MALRD1: variants seen among roughly 807,000 people sequenced by gnomAD.
The protein encoded by MALRD1 is MAM and LDL receptor class A domain containing 1.
In MALRD1, 247 loss-of-function variants were observed where a neutral mutation model predicts 242.1. The observed-to-expected ratio is 1.02, with a 90% CI of 0.92 to 1.13. The LOEUF is 1.13. Among genes scored for constraint, MALRD1 ranks in the 50% most tolerant of loss-of-function variants. MALRD1 has a pLI of 0.00. For missense variants in MALRD1, 2,989 were observed against 2,533.1 expected, an observed-to-expected ratio of 1.18 and a Z score of -3.86; for synonymous variants, 995 against 866.6, an observed-to-expected ratio of 1.15 and a Z score of -2.60.
At chr10:19,080,997 A>G (rs900326030) in intron 2 of MALRD1, among the ~76,000 whole-genome samples, 1 of 152,172 alleles carries the variant, frequency 6.6e-6, no homozygotes, top group African/African-American at 2.4e-5. Flanking sequence ...CGTGTGGCCC[A>G]CAAACATATG....
chr10:19,320,041 C>CTTTTTTTTTTTTTTTTTTTTTTATTTTTT (rs34481531), intron 21 of MALRD1, among the ~76,000 whole-genome samples: 1 of 73,070 alleles, frequency 1.4e-5, no homozygotes, highest in Non-Finnish European at 2.4e-5. Context: ...TATAAAACTG[C>CTTTTTTTTTTTTTTTTTTTTTTATTTTTT]TTTTTTTTTT....
At chr10:19,331,616 C>G (rs1843376310) in intron 24 of MALRD1, 34 bp downstream of exon 24, 1 of 1,502,660 alleles carries the variant, frequency 6.7e-7, no homozygotes, top group African/African-American at 1.4e-5. Context: ...TTACTTTTGC[C>G]TTCAACTCCC....
chr10:19,253,826 T>G (rs1839395110), intron 18 of MALRD1, among the ~76,000 whole-genome samples: 1 of 151,986 alleles, frequency 6.6e-6, no homozygotes, highest in African/African-American at 2.4e-5. Context: ...CTTTCCCAAT[T>G]GATATGGTTT....
chr10:19,463,269 C>T (rs990866291), intron 29 of MALRD1, among the ~76,000 whole-genome samples: 4 of 152,154 alleles, frequency 2.6e-5, no homozygotes, highest in Middle Eastern at 3.4e-3. Context: ...GCACCCATCA[C>T]GTGAACAGTA....
rs181366525 is a variant in MALRD1 at position 19,181,747 on chromosome 10, A to T, written c.1951+6419A>T. On this transcript the variant is annotated intron_variant, in intron 14 of 39. Transcript: ENST00000454679. ...ACTCTTGCCACAAAAAAAGAAAAAA[A>T]AGGGCAATTATGTGAGATAATGGAT... Among the ~76,000 whole-genome samples, 215 of 152,324 alleles carry T rather than the reference A, an allele frequency of 1.4e-3. 1 individual carries two copies. The highest frequency in any genetic ancestry group is 5.0e-3 in the African/African-American group (209 of 41,590).
chr10:19,377,028 A>G (rs1007362158), intron 26 of MALRD1, among the ~76,000 whole-genome samples: 25 of 152,346 alleles, frequency 1.6e-4, no homozygotes, highest in Non-Finnish European at 3.4e-4. Flanking sequence ...ACTATGTGGT[A>G]CAATTCTTAG....
At position 19,048,967 on chromosome 10, in the gene MALRD1, C is replaced by G; in HGVS notation, c.29C>G (p.Ala10Gly). 1 of 1,233,922 alleles carries G rather than the reference C, an allele frequency of 8.1e-7. No individual in the cohort carries two copies. The highest frequency in any genetic ancestry group is 1.0e-6 in the Non-Finnish European group (1 of 988,148). 76.4% of individuals were successfully genotyped at this position (1,233,922 alleles called of 1,614,324 possible). A position where few individuals can be genotyped will look rare whatever the true frequency, so the allele number is the denominator to read the frequency against. ...CTCTTCTTCCTGGACAGAATGTTGGCATTCCCCATGAATGAAACTTTTTGT... is the reference window on the plus strand; with the variant it reads ...CTCTTCTTCCTGGACAGAATGTTGGGATTCCCCATGAATGAAACTTTTTGT... Reference protein sequence around the residue: MLFFLDRMLAFPMNETFCCL... With the variant: MLFFLDRMLGFPMNETFCCL... The change falls in exon 1 of 40, where the codon GCA (alanine) becomes GGA (glycine). Residue 10 changes from alanine to glycine, a missense_variant. Ala to Gly is a moderately conservative substitution (Grantham distance 60). Coordinates refer to ENST00000454679, the MANE Select transcript of MALRD1 (RefSeq NM_001142308.3).
At chr10:19,341,146 A>C (rs911455052) in intron 24 of MALRD1, among the ~76,000 whole-genome samples, 1 of 152,024 alleles carries the variant, frequency 6.6e-6, no homozygotes, top group Admixed American at 6.6e-5. Context: ...TATTTTTTAC[A>C]ACTTTCTCTC....
intron 36 of MALRD1, among the ~76,000 whole-genome samples, chr10:19,688,893 A>G (rs1403074222): frequency 1.3e-5 from 2 of 152,230 alleles, no homozygotes; most frequent in African/African-American, 2.4e-5. Context: ...TTTGACAAAG[A>G]TGAAAATGCA....
intron 15 of MALRD1, 28 bp from the exon 16 acceptor site, chr10:19,204,280 C>A: frequency 6.0e-6 from 6 of 1,008,108 alleles, no homozygotes; most frequent in South Asian, 3.1e-5. Flanking sequence ...GTTAATGAAG[C>A]GTTTTTTTTT....
intron 5 of MALRD1, among the ~76,000 whole-genome samples, chr10:19,122,970 C>A (rs1429781482): frequency 6.6e-6 from 1 of 152,186 alleles, no homozygotes. Flanking sequence ...AGGTGATCCA[C>A]CCTCCTTGGC....
intron 18 of MALRD1, among the ~76,000 whole-genome samples, chr10:19,237,610 A>G (rs1838396718): frequency 2.0e-5 from 1 of 49,406 alleles, no homozygotes; most frequent in African/African-American, 9.0e-5. Flanking sequence ...TTATAATTAT[A>G]ATTATATAAT....
At chr10:19,733,517 CT>C (rs1835375827) in intron 39 of MALRD1, among the ~76,000 whole-genome samples, 1 of 151,942 alleles carries the variant, frequency 6.6e-6, no homozygotes, top group South Asian at 2.1e-4. Flanking sequence ...AAAAGGTTTT[CT>C]TTTGGGGTTT....
At chr10:19,368,578 T>A (rs1358710925) in intron 26 of MALRD1, among the ~76,000 whole-genome samples, 1 of 152,128 alleles carries the variant, frequency 6.6e-6, no homozygotes, top group Non-Finnish European at 1.5e-5. Flanking sequence ...TTCTTTTGAT[T>A]GAGGATTGCT....
chr10:19,231,514 G>A (rs1394967046), intron 18 of MALRD1, among the ~76,000 whole-genome samples: 1 of 152,182 alleles, frequency 6.6e-6, no homozygotes. Flanking sequence ...GACGGAGTCA[G>A]GTGGAGATAA....
chr10:19,686,363 C>T (rs11817661), intron 36 of MALRD1, among the ~76,000 whole-genome samples: 4,380 of 152,190 alleles, frequency 0.029, 206 homozygotes, highest in African/African-American at 0.09. Context: ...TGGGAGTGGC[C>T]GTGCGTGGCG....
intron 28 of MALRD1, among the ~76,000 whole-genome samples, chr10:19,432,969 G>A (rs979627628): frequency 1.2e-4 from 18 of 152,108 alleles, no homozygotes; most frequent in African/African-American, 3.9e-4. Flanking sequence ...TATCTCTTAC[G>A]TAATACACTT....
chr10:19,706,513 G>T (rs190878335), intron 38 of MALRD1, among the ~76,000 whole-genome samples: 61 of 151,996 alleles, frequency 4.0e-4, no homozygotes, highest in African/African-American at 1.2e-3. Flanking sequence ...ACCACGCCTG[G>T]CTAATTTTTG....
At chr10:19,312,501 A>G (rs1004796219) in intron 21 of MALRD1, among the ~76,000 whole-genome samples, 2 of 150,786 alleles carry the variant, frequency 1.3e-5, no homozygotes, top group African/African-American at 4.9e-5. Flanking sequence ...ATTTGAAAGC[A>G]TCGTAGTCTT....
Sources: gnomAD v4.1 joint callset for allele counts (sites outside exome capture counted in the v4.1 genomes callset) on GRCh38, gnomAD v4.1.1 for gene constraint, MANE v1.5 for transcripts, NCBI Gene and HGNC (gene_info 2026-07-23, HGNC 2026-07-21) for gene names.